Variants in IL1RAPL1 observed in about 807,000 individuals in gnomAD.
The protein encoded by IL1RAPL1 is interleukin-1 receptor accessory protein-like 1.
Under a neutral mutation model 48.4 loss-of-function variants are expected in IL1RAPL1, and 3 were observed. The ratio of observed to expected loss-of-function variants is 0.06; its 90% CI spans 0.03 to 0.16. The LOEUF (loss-of-function observed/expected upper bound fraction) is 0.16, where lower values mean the gene tolerates loss of function less well. Ranked by LOEUF, IL1RAPL1 falls within the 10% of genes least tolerant of loss-of-function variation. The pLI is 1.00. For missense variants in IL1RAPL1, 349 were observed against 530.6 expected (o/e 0.66, Z 3.36); for synonymous variants, 185 against 187.7 (o/e 0.99, Z 0.12).
intron 2 of IL1RAPL1, among the ~76,000 whole-genome samples, chrX:29,237,238 A>G (rs1232687542): frequency 1.8e-5 from 2 of 112,251 alleles, no homozygotes; most frequent in African/African-American, 6.5e-5. Flanking sequence ...TAGCCCTACC[A>G]GATAGAGTCC....
chrX:29,886,148 A>C (rs1234461249), intron 6 of IL1RAPL1, among the ~76,000 whole-genome samples: 2 of 112,172 alleles, frequency 1.8e-5, no homozygotes, highest in Admixed American at 9.5e-5. Flanking sequence ...AGCTAAGAAA[A>C]TGTCCAAAAC....
At chrX:28,654,373 C>A (rs141241850) in intron 1 of IL1RAPL1, among the ~76,000 whole-genome samples, 1 of 110,842 alleles carries the variant, frequency 9.0e-6, no homozygotes, top group Admixed American at 9.7e-5. Context: ...GTATTCTTAT[C>A]CCCATTGAAA....
chrX:29,421,813 G>A (rs965372750), intron 5 of IL1RAPL1, among the ~76,000 whole-genome samples: 19 of 111,844 alleles, frequency 1.7e-4, no homozygotes, highest in Non-Finnish European at 2.8e-4. Context: ...GAATTCGAGT[G>A]GTGTGACTTC....
intron 5 of IL1RAPL1, among the ~76,000 whole-genome samples, chrX:29,538,491 C>T (rs1427160437): frequency 9.3e-6 from 1 of 107,705 alleles, no homozygotes; most frequent in African/African-American, 3.4e-5. Flanking sequence ...GCGCCTGCTA[C>T]CACTCCCAGC....
chrX:28,970,896 A>G (rs972552073), intron 2 of IL1RAPL1, among the ~76,000 whole-genome samples: 1 of 111,114 alleles, frequency 9.0e-6, no homozygotes, highest in African/African-American at 3.3e-5. Flanking sequence ...AAACCCTTAT[A>G]TATATAATTT....
At chrX:28,846,103 A>G (rs1018283833) in intron 2 of IL1RAPL1, among the ~76,000 whole-genome samples, 2 of 112,095 alleles carry the variant, frequency 1.8e-5, no homozygotes, top group East Asian at 5.7e-4. Flanking sequence ...CCTAGCCCCT[A>G]GCAAATACTG....
At chrX:29,289,611 C>T (rs1365595743) in intron 3 of IL1RAPL1, among the ~76,000 whole-genome samples, 1 of 111,604 alleles carries the variant, frequency 9.0e-6, no homozygotes, top group Non-Finnish European at 1.9e-5. Flanking sequence ...TACAAAAATC[C>T]TTACTAGAAT....
At chrX:29,086,585 T>C in intron 2 of IL1RAPL1, among the ~76,000 whole-genome samples, 1 of 112,040 alleles carries the variant, frequency 8.9e-6, no homozygotes, top group Non-Finnish European at 1.9e-5. Context: ...TATTGGTTCT[T>C]AATATATTAT....
chrX:29,545,536 T>C (rs1921599249), intron 5 of IL1RAPL1, among the ~76,000 whole-genome samples: 1 of 111,623 alleles, frequency 9.0e-6, no homozygotes, highest in Admixed American at 9.5e-5. Context: ...AGTAAATACT[T>C]GTGACTTCTT....
chrX:29,406,083 T>C (rs1337213336), intron 5 of IL1RAPL1, among the ~76,000 whole-genome samples: 1 of 111,652 alleles, frequency 9.0e-6, no homozygotes, highest in Non-Finnish European at 1.9e-5. Context: ...ACAATGTTTG[T>C]TTTTTAAAAA....
At chrX:28,858,727 A>G (rs1921866908) in intron 2 of IL1RAPL1, among the ~76,000 whole-genome samples, 1 of 112,596 alleles carries the variant, frequency 8.9e-6, no homozygotes, top group Admixed American at 9.4e-5. Flanking sequence ...TTATTGAGGC[A>G]TTTGTTTTAT....
intron 1 of IL1RAPL1, among the ~76,000 whole-genome samples, chrX:28,641,840 C>T (rs1934546709): frequency 1.8e-5 from 2 of 110,944 alleles, no homozygotes; most frequent in African/African-American, 6.6e-5. Context: ...TGTTTTTTTT[C>T]ATATGCTTAT....
At chrX:29,734,015 T>C (rs1389077898) in intron 6 of IL1RAPL1, among the ~76,000 whole-genome samples, 1 of 112,937 alleles carries the variant, frequency 8.9e-6, no homozygotes, top group Non-Finnish European at 1.9e-5. Flanking sequence ...CTGCGCAAGT[T>C]GAAACAGATG....
intron 3 of IL1RAPL1, among the ~76,000 whole-genome samples, chrX:29,386,745 G>A (rs893077960): frequency 7.3e-5 from 8 of 109,572 alleles, no homozygotes; most frequent in African/African-American, 2.7e-4. Context: ...GTTTTGCCAT[G>A]TTGCCCAGGC....
chrX:29,883,891 A>G (rs953439317), intron 6 of IL1RAPL1, among the ~76,000 whole-genome samples: 5 of 112,187 alleles, frequency 4.5e-5, no homozygotes, highest in Admixed American at 3.8e-4. Flanking sequence ...TAAATACTGC[A>G]TTGTGAACTC....
At chrX:29,499,092 C>A (rs148983633) in intron 5 of IL1RAPL1, among the ~76,000 whole-genome samples, 9,216 of 111,666 alleles carry the variant, frequency 0.083, 947 homozygotes, top group African/African-American at 0.28. Flanking sequence ...TGGGTCTCAA[C>A]AATATCATGC....
chrX:29,277,084 A>C (rs1932131376), intron 2 of IL1RAPL1, among the ~76,000 whole-genome samples: 1 of 112,490 alleles, frequency 8.9e-6, no homozygotes, highest in Non-Finnish European at 1.9e-5. Flanking sequence ...GAATGAAAAA[A>C]GTCTTCAAAG....
intron 2 of IL1RAPL1, among the ~76,000 whole-genome samples, chrX:29,236,707 C>A (rs964914619): frequency 1.0e-5 from 1 of 99,704 alleles, no homozygotes; most frequent in Non-Finnish European, 2.0e-5. Flanking sequence ...GGACTACAGG[C>A]GCCCACCACG....
chrX:29,593,067 C>T (rs1208148846), intron 5 of IL1RAPL1, among the ~76,000 whole-genome samples: 2 of 112,124 alleles, frequency 1.8e-5, no homozygotes, highest in Non-Finnish European at 1.9e-5. Flanking sequence ...GGAAACAAGT[C>T]AGTTTTGCAT....
Sources: allele counts gnomAD v4.1 joint callset (sites outside exome capture counted in the v4.1 genomes callset), GRCh38; gene constraint gnomAD v4.1.1; transcripts MANE v1.5; gene names NCBI Gene and HGNC (gene_info 2026-07-23, HGNC 2026-07-21).